Variants in NCKAP1 observed in about 807,000 individuals in gnomAD.
The protein encoded by NCKAP1 is nck-associated protein 1.
NCKAP1 carries 21 observed loss-of-function variants against 151.2 expected under a neutral mutation model. The ratio of observed to expected loss-of-function variants is 0.14; its 90% CI spans 0.10 to 0.20. The LOEUF (loss-of-function observed/expected upper bound fraction) is 0.20. Ranked by LOEUF, NCKAP1 falls within the 10% of genes least tolerant of loss-of-function variation. The pLI is 1.00. For synonymous variants in NCKAP1, 484 were observed against 451.8 expected (o/e 1.07, Z -0.90); for missense variants, 933 against 1,352.1 (o/e 0.69, Z 4.86).
At chr2:183,015,837 GAAGAA>G (rs145882822) in intron 2 of NCKAP1, among the ~76,000 whole-genome samples, 1,562 of 144,116 alleles carry the variant, frequency 0.011, 32 homozygotes, top group African/African-American at 0.038. Flanking sequence ...GACAACATGA[GAAGAA>G]AAGGACAAAT....
At chr2:183,036,603 T>C (rs1699106496) in intron 1 of NCKAP1, among the ~76,000 whole-genome samples, 1 of 152,116 alleles carries the variant, frequency 6.6e-6, no homozygotes, top group African/African-American at 2.4e-5. Context: ...TCCTGCCACA[T>C]AAAAGGTAAC....
At chr2:183,031,191 C>T (rs17703779) in intron 1 of NCKAP1, among the ~76,000 whole-genome samples, 8,238 of 152,116 alleles carry the variant, frequency 0.054, 296 homozygotes, top group Non-Finnish European at 0.08. Flanking sequence ...TGAAAAACTT[C>T]AACCCATTAT....
intron 24 of NCKAP1, 29 bp downstream of exon 24, chr2:182,942,041 G>T: frequency 6.5e-7 from 1 of 1,544,694 alleles, no homozygotes; most frequent in Non-Finnish European, 8.9e-7. Flanking sequence ...ATCTTCTTAT[G>T]TTTATAAAAA....
chr2:182,983,123 G>A (rs530552548), intron 11 of NCKAP1, among the ~76,000 whole-genome samples, 163 bp downstream of exon 11: 1 of 152,210 alleles, frequency 6.6e-6, no homozygotes, highest in Admixed American at 6.5e-5. Flanking sequence ...AAGAATGCAG[G>A]GAGGTACGAT....
At chr2:182,928,940 CAAG>C in intron 27 of NCKAP1, 41 bp from the exon 28 acceptor site, 1 of 1,300,386 alleles carries the variant, frequency 7.7e-7, no homozygotes, top group South Asian at 1.3e-5. Flanking sequence ...GGTATTTCTT[CAAG>C]ATTAGTTAAG....
chr2:182,961,353 C>A (rs1010825264), intron 18 of NCKAP1, among the ~76,000 whole-genome samples: 8 of 152,140 alleles, frequency 5.3e-5, no homozygotes, highest in South Asian at 4.1e-4. Context: ...CAATGATAGA[C>A]TGGATTAAGA....
At chr2:183,014,624 C>T (rs981024045) in intron 2 of NCKAP1, among the ~76,000 whole-genome samples, 1 of 152,020 alleles carries the variant, frequency 6.6e-6, no homozygotes, top group Non-Finnish European at 1.5e-5. Context: ...ATGAGTACTA[C>T]GAAGAATAAA....
chr2:182,970,254 A>T (rs1697659704), intron 15 of NCKAP1, among the ~76,000 whole-genome samples: 1 of 152,240 alleles, frequency 6.6e-6, no homozygotes, highest in African/African-American at 2.4e-5. Context: ...TCAAATACTC[A>T]TTCTATGAGG....
chr2:182,928,348 T>C, intron 28 of NCKAP1, 122 bp from the exon 29 acceptor site: 1 of 640,550 alleles, frequency 1.6e-6, no homozygotes, highest in South Asian at 2.2e-5. Context: ...AGTTGGGACA[T>C]GACCGGACTT....
rs1406343667 is a variant in NCKAP1 at position 182,915,514 on chromosome 2, C to T, written c.*10188G>A. 1.3e-5 allele frequency: 2 copies of T among 152,254 alleles called. No individual in the cohort carries two copies. Among genetic ancestry groups the T allele is most frequent in the African/African-American group, 4.8e-5 (2 of 41,440 alleles). 9.4% of individuals were successfully genotyped at this position (152,254 alleles called of 1,614,324 possible). Reference sequence around the variant, plus strand: ...CTCCAGCAGCAGAGGCATTCATTCTCCAAGGGTGTTCTATGAGCCTTATTG... The same window carrying T: ...CTCCAGCAGCAGAGGCATTCATTCTTCAAGGGTGTTCTATGAGCCTTATTG... On this transcript the variant is annotated 3_prime_UTR_variant, in exon 31 of 31. Transcript: ENST00000361354.
intron 10 of NCKAP1, among the ~76,000 whole-genome samples, chr2:182,985,693 CGCAGGAGGCTGAG>C (rs1452294432): frequency 1.3e-5 from 2 of 151,024 alleles, no homozygotes; most frequent in Non-Finnish European, 2.9e-5. Flanking sequence ...ATCCCAGTGA[CGCAGGAGGCTGAG>C]GCAGGAGAAT....
At chr2:182,933,936 C>T (rs1696817068) in intron 26 of NCKAP1, among the ~76,000 whole-genome samples, 1 of 152,158 alleles carries the variant, frequency 6.6e-6, no homozygotes, top group African/African-American at 2.4e-5. Flanking sequence ...TTTCATGGCT[C>T]AATAGATTTT....
chr2:183,021,742 C>T (rs531946698), intron 2 of NCKAP1, among the ~76,000 whole-genome samples: 3 of 152,260 alleles, frequency 2.0e-5, no homozygotes, highest in East Asian at 1.9e-4. Context: ...AGAATAGGCA[C>T]AGAGACAGAA....
chr2:183,017,096 T>C (rs1339965702), intron 2 of NCKAP1, among the ~76,000 whole-genome samples: 1 of 152,122 alleles, frequency 6.6e-6, no homozygotes, highest in Non-Finnish European at 1.5e-5. Flanking sequence ...AAAAGTTTTC[T>C]GTTTAGCTTG....
intron 2 of NCKAP1, among the ~76,000 whole-genome samples, chr2:183,011,761 G>A (rs1387970237): frequency 2.0e-5 from 3 of 152,050 alleles, no homozygotes; most frequent in African/African-American, 4.8e-5. Flanking sequence ...ATTTCTCTTC[G>A]GATAAGTCCC....
At chr2:182,980,004 C>T (rs1223088079) in intron 13 of NCKAP1, among the ~76,000 whole-genome samples, 5 of 152,028 alleles carry the variant, frequency 3.3e-5, no homozygotes, top group Non-Finnish European at 7.4e-5. Flanking sequence ...AAGAATTAAT[C>T]TTCTCAGTAT....
intron 13 of NCKAP1, among the ~76,000 whole-genome samples, chr2:182,980,647 A>G (rs1013002453): frequency 1.3e-5 from 2 of 152,200 alleles, no homozygotes; most frequent in African/African-American, 2.4e-5. Flanking sequence ...AAAAAATTGG[A>G]CATTTAAATG....
rs1696460012 is a variant in NCKAP1 at position 182,915,942 on chromosome 2, C to T, written c.*9760G>A. The T allele has an allele frequency of 6.6e-6, 1 of 152,024 alleles. No homozygotes were observed. Among genetic ancestry groups the T allele is most frequent in the African/African-American group, 2.4e-5 (1 of 41,400 alleles). The allele number at this position is 152,024 out of a possible 1,614,324, so 9.4% of individuals were successfully genotyped here. A position where few individuals can be genotyped will look rare whatever the true frequency, so the allele number is the denominator to read the frequency against. ...TTTTGATCTATTGCCAATGCTTTCACCTTTTGTCTATTTATACAAGGGGCT... is the reference window on the plus strand; with the variant it reads ...TTTTGATCTATTGCCAATGCTTTCATCTTTTGTCTATTTATACAAGGGGCT... On this transcript the variant is annotated 3_prime_UTR_variant, in exon 31 of 31. Coordinates refer to ENST00000361354, the MANE Select transcript of NCKAP1 (RefSeq NM_013436.5).
chr2:182,991,676 T>C (rs999930032), intron 8 of NCKAP1, among the ~76,000 whole-genome samples: 13 of 151,172 alleles, frequency 8.6e-5, no homozygotes, highest in African/African-American at 3.2e-4. Context: ...AAAAAAAATT[T>C]AAAAGTAGCT....
Sources: allele counts gnomAD v4.1 joint callset (sites outside exome capture counted in the v4.1 genomes callset), GRCh38; gene constraint gnomAD v4.1.1; transcripts MANE v1.5; gene names NCBI Gene and HGNC (gene_info 2026-07-23, HGNC 2026-07-21).